ZBTB20: variants seen among roughly 807,000 people sequenced by gnomAD.
ZBTB20 encodes the protein zinc finger and BTB domain containing 20.
Under a neutral mutation model 56.9 loss-of-function variants are expected in ZBTB20, and 9 were observed. The observed-to-expected ratio is 0.16, with a 90% confidence interval of 0.10 to 0.28. The LOEUF (loss-of-function observed/expected upper bound fraction) is 0.28, where lower values mean the gene tolerates loss of function less well. Ranked by LOEUF, ZBTB20 falls within the 10% of genes least tolerant of loss-of-function variation. The probability of loss-of-function intolerance (pLI) is 1.00; values close to 1 mark genes in which losing one functional copy is unlikely to be tolerated. For missense variants in ZBTB20, 655 were observed against 1,003.0 expected (o/e 0.65, Z 4.69); for synonymous variants, 417 against 420.7 (o/e 0.99, Z 0.11).
At position 114,621,553 on chromosome 3, in the gene ZBTB20, T is replaced by C. The variant is rs181076650; in HGVS notation, c.-295+71975A>G. On this transcript the variant is annotated intron_variant, in intron 6 of 11. Coordinates refer to ENST00000675478, the MANE Select transcript of ZBTB20 (RefSeq NM_001348800.3). Reference sequence around the variant, plus strand: ...ACATAAATACTAAAAACCACTTCTATATAAATAAGAAAGAACAATTTCTTA... The same window carrying C: ...ACATAAATACTAAAAACCACTTCTACATAAATAAGAAAGAACAATTTCTTA... Among the ~76,000 whole-genome samples the C allele has an allele frequency of 2.3e-3, 347 of 152,312 alleles. 15 individuals are homozygous for C. The highest frequency in any genetic ancestry group is 0.021 in the Admixed American group (319 of 15,296).
chr3:114,499,898 A>C (rs979539309), intron 7 of ZBTB20, among the ~76,000 whole-genome samples: 2 of 152,158 alleles, frequency 1.3e-5, no homozygotes, highest in Non-Finnish European at 2.9e-5. Context: ...TTCTTAGTAA[A>C]GGGATATTAG....
In ZBTB20 at chr3:114,973,850, T is replaced by C. The variant is rs1453843998; in HGVS notation, c.-456+516A>G. ...ACAATGCAGCCACACGAGTCTATTG[T>C]AAACTTCTTGCCTGAAATTCTGGAC... On this transcript the variant is annotated intron_variant, in intron 3 of 11. Coordinates refer to ENST00000675478, the MANE Select transcript of ZBTB20 (RefSeq NM_001348800.3). Among the ~76,000 whole-genome samples the C allele has an allele frequency of 2.0e-5, 3 of 152,314 alleles. No homozygotes were observed. In the East Asian group the frequency reaches 5.8e-4, roughly 29 times the overall value.
intron 6 of ZBTB20, among the ~76,000 whole-genome samples, chr3:114,536,393 C>T (rs2947486): frequency 0.11 from 16,276 of 151,974 alleles, 2,333 homozygotes; most frequent in African/African-American, 0.33. Flanking sequence ...TCATAATTGC[C>T]ATAAAGAGAA....
chr3:114,454,175 GGAGAGAGAGAGA>G (rs71146322), intron 7 of ZBTB20, among the ~76,000 whole-genome samples: 46 of 116,692 alleles, frequency 3.9e-4, no homozygotes, highest in Non-Finnish European at 5.1e-4. Context: ...AAAAGAGAAG[GGAGAGAGAGAGA>G]GAGAGAGAGA....
chr3:115,007,206 A>G (rs1182864223), intron 2 of ZBTB20, among the ~76,000 whole-genome samples: 1 of 151,812 alleles, frequency 6.6e-6, no homozygotes. Flanking sequence ...CTAAAAAAAT[A>G]TGTTTTGATA....
chr3:114,360,738 A>G (rs2081777574), intron 10 of ZBTB20, among the ~76,000 whole-genome samples: 1 of 152,154 alleles, frequency 6.6e-6, no homozygotes, highest in Admixed American at 6.5e-5. Context: ...AAGCCAAGGA[A>G]AAAAGTAAAT....
At chr3:114,405,387 C>T (rs2087216497) in intron 7 of ZBTB20, among the ~76,000 whole-genome samples, 1 of 152,100 alleles carries the variant, frequency 6.6e-6, no homozygotes, top group African/African-American at 2.4e-5. Flanking sequence ...TTGAGTTTCA[C>T]TTCCTCCAAA....
chr3:114,622,920 G>C (rs1445703198), intron 6 of ZBTB20, among the ~76,000 whole-genome samples: 2 of 152,112 alleles, frequency 1.3e-5, no homozygotes, highest in Non-Finnish European at 2.9e-5. Flanking sequence ...GTGATTCCTG[G>C]AAGTTTCAGC....
chr3:115,056,206 A>C (rs1458413056), intron 2 of ZBTB20, among the ~76,000 whole-genome samples: 1 of 152,172 alleles, frequency 6.6e-6, no homozygotes, highest in East Asian at 1.9e-4. Context: ...ACAGTAGTTC[A>C]AATGACTAGT....
At chr3:114,615,089 G>A (rs1458720782) in intron 6 of ZBTB20, among the ~76,000 whole-genome samples, 1 of 152,096 alleles carries the variant, frequency 6.6e-6, no homozygotes, top group Non-Finnish European at 1.5e-5. Flanking sequence ...TTTTGACAAA[G>A]TTGATTGTTC....
intron 1 of ZBTB20, among the ~76,000 whole-genome samples, chr3:115,073,625 C>A (rs1449131277): frequency 6.6e-6 from 1 of 151,396 alleles, no homozygotes; most frequent in African/African-American, 2.4e-5. Flanking sequence ...AAGTTCATTA[C>A]CAAAGAATTC....
chr3:114,776,437 T>G (rs139301805), intron 5 of ZBTB20, among the ~76,000 whole-genome samples: 31 of 152,136 alleles, frequency 2.0e-4, no homozygotes, highest in Admixed American at 6.5e-5. Flanking sequence ...ATTGCAGTGA[T>G]GTGGCCACAA....
intron 6 of ZBTB20, among the ~76,000 whole-genome samples, chr3:114,557,548 T>C (rs967452596): frequency 6.6e-6 from 1 of 151,988 alleles, no homozygotes; most frequent in African/African-American, 2.4e-5. Context: ...AAATATAATT[T>C]GCAAGGTCAT....
At chr3:114,624,227 C>T (rs2058511170) in intron 6 of ZBTB20, 1 of 151,978 alleles carries the variant, frequency 6.6e-6, no homozygotes, top group Non-Finnish European at 1.5e-5. Flanking sequence ...TTGTCGAGTT[C>T]ACAGTGTTCC....
At chr3:115,126,904 A>G (rs561690771) in intron 1 of ZBTB20, among the ~76,000 whole-genome samples, 1 of 152,360 alleles carries the variant, frequency 6.6e-6, no homozygotes, top group African/African-American at 2.4e-5. Flanking sequence ...AGAAAAAAGG[A>G]GAACACATGG....
chr3:115,028,866 A>G (rs768291771), intron 2 of ZBTB20, among the ~76,000 whole-genome samples: 118 of 150,980 alleles, frequency 7.8e-4, no homozygotes, highest in Middle Eastern at 6.8e-3. Context: ...GGTTGACACT[A>G]CACCTAATGG....
At chr3:114,640,090 C>T (rs1275576575) in intron 6 of ZBTB20, among the ~76,000 whole-genome samples, 1 of 151,830 alleles carries the variant, frequency 6.6e-6, no homozygotes, top group African/African-American at 2.4e-5. Context: ...AATTTAACTG[C>T]CAAATGGGTT....
rs2086918195 is a variant in ZBTB20 at position 114,402,604 on chromosome 3, A to G, written c.-254-13499T>C. Among the ~76,000 whole-genome samples the G allele has an allele frequency of 1.3e-5, 2 of 152,166 alleles. 1 individual carries two copies. The highest frequency in any genetic ancestry group is 2.9e-5 in the Non-Finnish European group (2 of 68,004). On this transcript the variant is annotated intron_variant, in intron 7 of 11. Transcript: ENST00000675478. ...CAGCAGGGATCTTGACGACTAAATC[A>G]TCCTAACTCACGACGAGGATCACAG... is the stretch of plus-strand genomic sequence containing the variant.
intron 6 of ZBTB20, among the ~76,000 whole-genome samples, chr3:114,683,494 G>A (rs1027971363): frequency 6.6e-6 from 1 of 152,146 alleles, no homozygotes; most frequent in Non-Finnish European, 1.5e-5. Context: ...AAAGGCTTCA[G>A]TACAGGCAGT....
Sources: gnomAD v4.1 joint callset for allele counts (sites outside exome capture counted in the v4.1 genomes callset) on GRCh38, gnomAD v4.1.1 for gene constraint, MANE v1.5 for transcripts, NCBI Gene and HGNC (gene_info 2026-07-23, HGNC 2026-07-21) for gene names.